Variants in ZMYM4 observed in about 807,000 individuals in gnomAD.
ZMYM4 encodes zinc finger MYM-type protein 4.
ZMYM4 carries 31 observed loss-of-function variants against 183.2 expected under a neutral mutation model. The ratio of observed to expected loss-of-function variants is 0.17; its 90% CI spans 0.13 to 0.23. The LOEUF (loss-of-function observed/expected upper bound fraction) is 0.23. Ranked by LOEUF, ZMYM4 falls within the 10% of genes least tolerant of loss-of-function variation. The pLI is 1.00. For missense variants in ZMYM4, 1,273 were observed against 1,840.3 expected (o/e 0.69, Z 5.64); for synonymous variants, 592 against 631.2 (o/e 0.94, Z 0.93).
At chr1:35,334,091 G>A (rs1207102037) in intron 2 of ZMYM4, among the ~76,000 whole-genome samples, 7 of 150,968 alleles carry the variant, frequency 4.6e-5, no homozygotes, top group South Asian at 2.1e-4. Context: ...TGAGGTGGGC[G>A]GATCGCTTGA....
intron 2 of ZMYM4, among the ~76,000 whole-genome samples, chr1:35,344,564 A>C (rs1041351247): frequency 5.3e-5 from 8 of 151,974 alleles, no homozygotes; most frequent in Admixed American, 6.5e-5. Flanking sequence ...TGAGTATTAA[A>C]TTTTGTCAGT....
At chr1:35,308,500 G>A (rs771029257) in intron 1 of ZMYM4, among the ~76,000 whole-genome samples, 2 of 152,224 alleles carry the variant, frequency 1.3e-5, no homozygotes, top group Non-Finnish European at 2.9e-5. Context: ...AACCCTAGTC[G>A]CCTGAACTAG....
chr1:35,406,265 GATGAAA>G (rs1645001259), intron 25 of ZMYM4, among the ~76,000 whole-genome samples: 1 of 152,176 alleles, frequency 6.6e-6, no homozygotes, highest in Non-Finnish European at 1.5e-5. Context: ...AGTTCCTATA[GATGAAA>G]TGTAATCTGT....
At chr1:35,281,459 T>C (rs1402530747) in intron 1 of ZMYM4, among the ~76,000 whole-genome samples, 1 of 151,914 alleles carries the variant, frequency 6.6e-6, no homozygotes, top group Non-Finnish European at 1.5e-5. Flanking sequence ...GCATGGGGGA[T>C]GGAAGGGAGG....
chr1:35,419,782 C>A lies in ZMYM4; in HGVS notation c.*105C>A. The A allele has an allele frequency of 8.7e-7, 1 of 1,148,574 alleles. No homozygotes were observed. Among genetic ancestry groups the A allele is most frequent in the Non-Finnish European group, 1.3e-6 (1 of 797,402 alleles). The allele number at this position is 1,148,574 out of a possible 1,614,324, so 71.1% of individuals were successfully genotyped here. A position where few individuals can be genotyped will look rare whatever the true frequency, so the allele number is the denominator to read the frequency against. ...ATAAGTCTAAGTCCTCTTGACTTGA[C>A]CATAAGATCATGGAAAACAGATGAC... On this transcript the variant is annotated 3_prime_UTR_variant, in exon 30 of 30. Coordinates refer to ENST00000314607, the MANE Select transcript of ZMYM4 (RefSeq NM_005095.3).
intron 1 of ZMYM4, among the ~76,000 whole-genome samples, chr1:35,293,319 T>G (rs1640852632): frequency 6.6e-6 from 1 of 152,042 alleles, no homozygotes; most frequent in Non-Finnish European, 1.5e-5. Flanking sequence ...ACATGGTTTT[T>G]GTTTTTGTTT....
intron 5 of ZMYM4, among the ~76,000 whole-genome samples, chr1:35,366,503 A>G (rs1158826202): frequency 6.6e-6 from 1 of 152,254 alleles, no homozygotes; most frequent in Non-Finnish European, 1.5e-5. Context: ...AAGAATATTT[A>G]TGAAAGAATT....
At chr1:35,410,683 G>T (rs1639853237) in intron 26 of ZMYM4, among the ~76,000 whole-genome samples, 1 of 147,380 alleles carries the variant, frequency 6.8e-6, no homozygotes, top group East Asian at 2.2e-4. Flanking sequence ...AGTAGAGACG[G>T]GGTTTCACAG....
chr1:35,351,257 C>A, intron 2 of ZMYM4: 9 of 1,573,842 alleles, frequency 5.7e-6, no homozygotes, highest in Non-Finnish European at 7.8e-6. Flanking sequence ...CCAAACGATT[C>A]CCTGGTTATG....
At chr1:35,334,804 G>A (rs13374889) in intron 2 of ZMYM4, among the ~76,000 whole-genome samples, 2,657 of 152,196 alleles carry the variant, frequency 0.017, 72 homozygotes, top group African/African-American at 0.06. Context: ...TCCCTCATTT[G>A]ACTCCCTTTT....
chr1:35,346,383 G>A (rs1643390037), intron 2 of ZMYM4, among the ~76,000 whole-genome samples: 1 of 152,112 alleles, frequency 6.6e-6, no homozygotes, highest in Non-Finnish European at 1.5e-5. Flanking sequence ...AGACGTTGTG[G>A]CTCACACCTG....
Position 35,396,614 on chromosome 1 carries a change from A to G in ZMYM4, c.2974A>G (p.Ile992Val), listed in dbSNP as rs1006220226. Residue 992 changes from isoleucine to valine, a missense_variant, in exon 19 of 30, where the codon ATA (isoleucine) becomes GTA (valine). This residue lies in a region of ZMYM4 where 290 missense variants were observed against 353.3 expected (regional missense o/e 0.82). Coordinates refer to ENST00000314607, the MANE Select transcript of ZMYM4 (RefSeq NM_005095.3). ...VPVPVPVFVP[I>V]PLHLYTQYAP... ...AGTTCCCGTACCAGTGTTTGTTCCC[A>G]TACCTCTTCACCTTTATACTCAATA... 1 of 1,613,868 alleles carries G rather than the reference A, an allele frequency of 6.2e-7. No individual in the cohort carries two copies. The highest frequency in any genetic ancestry group is 8.5e-7 in the Non-Finnish European group (1 of 1,179,818).
intron 1 of ZMYM4, among the ~76,000 whole-genome samples, chr1:35,287,850 A>G (rs910965173): frequency 3.9e-5 from 6 of 151,998 alleles, no homozygotes; most frequent in Non-Finnish European, 4.4e-5. Context: ...GCGGTCTACC[A>G]GCCTTGGCCT....
chr1:35,411,508 CTT>C (rs1404113463), intron 26 of ZMYM4, among the ~76,000 whole-genome samples: 7 of 152,132 alleles, frequency 4.6e-5, no homozygotes, highest in Non-Finnish European at 1.0e-4. Flanking sequence ...AGTTTTGCAA[CTT>C]ACATTATAGC....
intron 28 of ZMYM4, among the ~76,000 whole-genome samples, chr1:35,418,158 G>A (rs372828588): frequency 2.0e-5 from 3 of 152,326 alleles, no homozygotes; most frequent in East Asian, 1.9e-4. Context: ...GAATAGAGAC[G>A]TTTTCCAGTG....
chr1:35,349,603 G>C (rs1206445413), intron 2 of ZMYM4, among the ~76,000 whole-genome samples: 3 of 151,990 alleles, frequency 2.0e-5, no homozygotes, highest in Admixed American at 6.6e-5. Flanking sequence ...TGAGGCAGGT[G>C]GGTCACTTAA....
chr1:35,328,255 C>T lies in ZMYM4; in HGVS notation c.85+2850C>T, dbSNP rs1642587958. Among the ~76,000 whole-genome samples the T allele has an allele frequency of 1.3e-5, 2 of 151,892 alleles. 1 individual carries two copies. The highest frequency in any genetic ancestry group is 4.1e-4 in the South Asian group (2 of 4,830). On this transcript the variant is annotated intron_variant, in intron 2 of 29. Transcript: ENST00000314607. ...CCTTCCTTAAACATTATTAGGCTCTCGATTTACAAGCAGAATGTTTTATTC... is the reference window on the plus strand; with the variant it reads ...CCTTCCTTAAACATTATTAGGCTCTTGATTTACAAGCAGAATGTTTTATTC...
At chr1:35,278,242 C>T (rs1639970984) in intron 1 of ZMYM4, among the ~76,000 whole-genome samples, 1 of 151,886 alleles carries the variant, frequency 6.6e-6, no homozygotes, top group South Asian at 2.1e-4. Context: ...CCATAATTAC[C>T]TCTCCAAAGA....
intron 2 of ZMYM4, among the ~76,000 whole-genome samples, chr1:35,330,518 CCT>C (rs937666869): frequency 6.6e-6 from 1 of 152,150 alleles, no homozygotes; most frequent in African/African-American, 2.4e-5. Context: ...GGAAAATCTA[CCT>C]GTGTACTTAG....
Sources: allele counts gnomAD v4.1 joint callset (sites outside exome capture counted in the v4.1 genomes callset), GRCh38; gene constraint gnomAD v4.1.1; regional missense constraint gnomAD v4.1.1; transcripts MANE v1.5; gene names NCBI Gene and HGNC (gene_info 2026-07-23, HGNC 2026-07-21).